PTPRN2: variants seen among roughly 807,000 people sequenced by gnomAD.
PTPRN2 encodes receptor-type tyrosine-protein phosphatase N2.
A neutral mutation model predicts 118.8 loss-of-function variants in PTPRN2; 74 were observed. That is an observed-to-expected ratio of 0.62 (90% CI 0.52 to 0.76). The LOEUF (loss-of-function observed/expected upper bound fraction) is 0.76. Ranked by LOEUF, PTPRN2 falls within the 30% of genes least tolerant of loss-of-function variation. The pLI, the probability that PTPRN2 is intolerant of heterozygous loss-of-function variation, is 0.00. For synonymous variants in PTPRN2, 641 were observed against 608.0 expected, an observed-to-expected ratio of 1.05 and a Z score of -0.80; for missense variants, 1,481 against 1,394.4, an observed-to-expected ratio of 1.06 and a Z score of -0.99.
intron 6 of PTPRN2, among the ~76,000 whole-genome samples, chr7:158,149,525 T>C (rs926045792): frequency 6.6e-6 from 1 of 152,058 alleles, no homozygotes; most frequent in African/African-American, 2.4e-5. Flanking sequence ...TAAGCCCGGC[T>C]GGGCGCAGTG....
chr7:157,948,107 C>G (rs1247773307), intron 11 of PTPRN2, among the ~76,000 whole-genome samples: 1 of 152,170 alleles, frequency 6.6e-6, no homozygotes, highest in African/African-American at 2.4e-5. Context: ...AAACAGTAAC[C>G]AGAAGCCATA....
chr7:157,795,280 G>A (rs1188594460), intron 12 of PTPRN2, among the ~76,000 whole-genome samples: 1 of 151,872 alleles, frequency 6.6e-6, no homozygotes, highest in Non-Finnish European at 1.5e-5. Context: ...TTGGCAGGAG[G>A]GAGGGTGCTC....
intron 2 of PTPRN2, among the ~76,000 whole-genome samples, chr7:158,443,065 A>G (rs1025989033): frequency 6.6e-6 from 1 of 151,978 alleles, no homozygotes; most frequent in Non-Finnish European, 1.5e-5. Flanking sequence ...AAAAAAAGCA[A>G]AAAAACACCT....
chr7:157,593,675 C>T (rs893247507), intron 17 of PTPRN2, among the ~76,000 whole-genome samples: 3 of 152,288 alleles, frequency 2.0e-5, no homozygotes, highest in African/African-American at 4.8e-5. Flanking sequence ...CTAAGGGCAG[C>T]GCTGGGACGG....
chr7:158,175,201 C>T (rs971060672), intron 5 of PTPRN2, among the ~76,000 whole-genome samples: 3 of 152,230 alleles, frequency 2.0e-5, no homozygotes, highest in Non-Finnish European at 4.4e-5. Context: ...TCTCACTGCC[C>T]GCCGGCAGCA....
At chr7:158,429,230 A>G (rs1237450515) in intron 2 of PTPRN2, among the ~76,000 whole-genome samples, 1 of 152,232 alleles carries the variant, frequency 6.6e-6, no homozygotes, top group South Asian at 2.1e-4. Flanking sequence ...ACTGGGAGGC[A>G]GCATCTGAGA....
chr7:158,336,628 G>A (rs1457221861), intron 2 of PTPRN2, among the ~76,000 whole-genome samples: 1 of 134,662 alleles, frequency 7.4e-6, no homozygotes, highest in Non-Finnish European at 1.5e-5. Flanking sequence ...GGTGACACAT[G>A]CAGACGTCAC....
chr7:158,261,951 G>T (rs977337941), intron 3 of PTPRN2, among the ~76,000 whole-genome samples: 2 of 152,364 alleles, frequency 1.3e-5, no homozygotes, highest in Middle Eastern at 6.8e-3. Context: ...GCCCGTGGTG[G>T]CTGCGCCGTA....
chr7:157,541,404 G>A (rs1436218650), intron 22 of PTPRN2, among the ~76,000 whole-genome samples: 1 of 152,248 alleles, frequency 6.6e-6, no homozygotes, highest in East Asian at 1.9e-4. Flanking sequence ...GCACACCTGA[G>A]GGGCACCCCT....
intron 22 of PTPRN2, among the ~76,000 whole-genome samples, chr7:157,547,112 G>C (rs1377405938): frequency 6.6e-6 from 1 of 152,200 alleles, no homozygotes. Context: ...CAGAGGTGTG[G>C]GGAGGAAACT....
chr7:158,138,004 CACA>C (rs943914437), intron 7 of PTPRN2, among the ~76,000 whole-genome samples: 1 of 152,224 alleles, frequency 6.6e-6, no homozygotes, highest in African/African-American at 2.4e-5. Context: ...ACAGTCCAAA[CACA>C]ACACTTCCCA....
At chr7:158,084,836 C>G (rs1585382534) in intron 10 of PTPRN2, among the ~76,000 whole-genome samples, 1 of 144,548 alleles carries the variant, frequency 6.9e-6, no homozygotes, top group Non-Finnish European at 1.5e-5. Flanking sequence ...CCCATCCACA[C>G]CCACGATGCC....
chr7:158,049,323 C>T (rs1809156870), intron 11 of PTPRN2, among the ~76,000 whole-genome samples: 1 of 152,230 alleles, frequency 6.6e-6, no homozygotes, highest in Non-Finnish European at 1.5e-5. Flanking sequence ...TCCCGATTCT[C>T]TGTGCCGTCT....
rs1471370402 is a variant in PTPRN2 at position 157,861,568 on chromosome 7, G to A, written c.1788+37105C>T. On this transcript the variant is annotated intron_variant, in intron 12 of 22. Coordinates refer to ENST00000389418, the MANE Select transcript of PTPRN2 (RefSeq NM_002847.5). The surrounding 1 kb of genome is among the most constrained non-coding windows in gnomAD (Gnocchi z 5.8). ...AGACACGCTCCCTGTACTCAAAGCC[G>A]AGCTGTGTGAGGCTTTTGGGGCTGC... Among the ~76,000 whole-genome samples the A allele has an allele frequency of 6.6e-6, 1 of 152,302 alleles. No homozygotes were observed. Among genetic ancestry groups the A allele is most frequent in the African/African-American group, 2.4e-5 (1 of 41,576 alleles).
At chr7:157,827,197 T>A (rs1474859802) in intron 12 of PTPRN2, among the ~76,000 whole-genome samples, 1 of 152,228 alleles carries the variant, frequency 6.6e-6, no homozygotes, top group African/African-American at 2.4e-5. Flanking sequence ...TTCAAACTCA[T>A]GAAGCATCAA....
At chr7:157,644,443 A>T (rs1398428592) in intron 14 of PTPRN2, among the ~76,000 whole-genome samples, 5 of 152,184 alleles carry the variant, frequency 3.3e-5, no homozygotes, top group African/African-American at 1.2e-4. Context: ...CTGGAGGTCC[A>T]CAGACCTCAC....
chr7:157,834,737 C>G (rs192597255), intron 12 of PTPRN2, among the ~76,000 whole-genome samples: 2 of 152,240 alleles, frequency 1.3e-5, no homozygotes, highest in African/African-American at 4.8e-5. Context: ...AGCCTGGAGC[C>G]GGCCTGCAGG....
chr7:157,646,930 G>A, intron 14 of PTPRN2, among the ~76,000 whole-genome samples: 1 of 148,848 alleles, frequency 6.7e-6, no homozygotes, highest in South Asian at 2.1e-4. Flanking sequence ...GAACTCGGTG[G>A]GTCAGACCCA....
chr7:157,579,114 G>C (rs140984997), intron 17 of PTPRN2, among the ~76,000 whole-genome samples: 1 of 152,128 alleles, frequency 6.6e-6, no homozygotes, highest in African/African-American at 2.4e-5. Context: ...TCATCGTAGC[G>C]CATGTTACTG....
Sources: gnomAD v4.1 joint callset for allele counts (sites outside exome capture counted in the v4.1 genomes callset) on GRCh38, gnomAD v4.1.1 for gene constraint, Gnocchi (gnomAD v3.1) non-coding constraint, MANE v1.5 for transcripts, NCBI Gene and HGNC (gene_info 2026-07-23, HGNC 2026-07-21) for gene names.